Variants in GFOD1 observed in about 807,000 individuals in gnomAD.
The protein encoded by GFOD1 is Gfo/Idh/MocA-like oxidoreductase domain containing 1, also known as glucose-fructose oxidoreductase domain-containing protein 1.
In GFOD1, 9 loss-of-function variants were observed where a neutral mutation model predicts 25.4. The ratio of observed to expected loss-of-function variants is 0.35; its 90% CI spans 0.21 to 0.62. GFOD1 has a LOEUF of 0.62. GFOD1 is among the 20% of genes least tolerant of loss of function. GFOD1 has a pLI of 0.72. For missense variants in GFOD1, 403 were observed against 556.9 expected, an observed-to-expected ratio of 0.72 and a Z score of 2.78; for synonymous variants, 253 against 245.6, an observed-to-expected ratio of 1.03 and a Z score of -0.28.
Position 13,451,425 on chromosome 6 carries a change from A to G in GFOD1, c.253+35213T>C, listed in dbSNP as rs114781138. Among the ~76,000 whole-genome samples the G allele has an allele frequency of 5.2e-3, 789 of 152,300 alleles. 8 individuals are homozygous for G. Among genetic ancestry groups the G allele is most frequent in the African/African-American group, 0.018 (741 of 41,556 alleles). ...CTGGTGAGGTCAGGGAGCCATCGCC[A>G]GCAGTTCAGTCATGATGTACGAGAG... On this transcript the variant is annotated intron_variant, in intron 1 of 1. Transcript: ENST00000379287.
chr6:13,369,035 A>G (rs1230997160), intron 1 of GFOD1, among the ~76,000 whole-genome samples: 1 of 152,248 alleles, frequency 6.6e-6, no homozygotes, highest in Non-Finnish European at 1.5e-5. Context: ...GTAAAACTGC[A>G]ATTACTTTTG....
At chr6:13,471,148 C>T (rs1584671682) in intron 1 of GFOD1, among the ~76,000 whole-genome samples, 1 of 152,278 alleles carries the variant, frequency 6.6e-6, no homozygotes, top group African/African-American at 2.4e-5. Flanking sequence ...CAGAAAGCAC[C>T]TTACTCTGAA....
intron 1 of GFOD1, among the ~76,000 whole-genome samples, chr6:13,381,015 G>A (rs575176220): frequency 1.1e-4 from 16 of 152,246 alleles, no homozygotes; most frequent in African/African-American, 3.6e-4. Context: ...TTTCACCTAG[G>A]GACCCAATGA....
intron 1 of GFOD1, among the ~76,000 whole-genome samples, chr6:13,438,607 T>C (rs1562219306): frequency 6.6e-6 from 1 of 152,180 alleles, no homozygotes; most frequent in Non-Finnish European, 1.5e-5. Context: ...TGAGCACTTA[T>C]AATGGACCCA....
rs997700209 is a variant in GFOD1, at chr6:13,430,435, T to A, written c.253+56203A>T. 5.9e-5 allele frequency among the ~76,000 whole-genome samples: 9 copies of A among 151,892 alleles called. No homozygotes were observed. The highest frequency in any genetic ancestry group is 1.2e-4 in the Non-Finnish European group (8 of 67,974). Reference sequence around the variant, plus strand: ...CTGGGTGACAGAACGAGACTCCACCTCAAAATAAATAAATAAGTAAATAAA... The same window carrying A: ...CTGGGTGACAGAACGAGACTCCACCACAAAATAAATAAATAAGTAAATAAA... On this transcript the variant is annotated intron_variant, in intron 1 of 1. Coordinates refer to ENST00000379287, the MANE Select transcript of GFOD1 (RefSeq NM_018988.4). This position sits in a 1 kb window ranked among gnomAD's most constrained non-coding sequence, Gnocchi z 4.1.
At position 13,360,644 on chromosome 6, in the gene GFOD1, T is replaced by G; in HGVS notation, c.*4099A>C. ...ATTTTAAAAAAGGCTGAGTGATATT[T>G]CCATTTTGGAATGGGAAGAAACACT... On this transcript the variant is annotated 3_prime_UTR_variant, in exon 2 of 2. Coordinates refer to ENST00000379287, the MANE Select transcript of GFOD1 (RefSeq NM_018988.4). 1 of 445,816 alleles carries G rather than the reference T, an allele frequency of 2.2e-6. No homozygotes were observed. Among genetic ancestry groups the G allele is most frequent in the Non-Finnish European group, 4.6e-6 (1 of 217,924 alleles). The allele number at this position is 445,816 out of a possible 1,614,324, so 27.6% of individuals were successfully genotyped here.
At chr6:13,386,371 C>A (rs1201466328) in intron 1 of GFOD1, among the ~76,000 whole-genome samples, 1 of 152,122 alleles carries the variant, frequency 6.6e-6, no homozygotes, top group Non-Finnish European at 1.5e-5. Flanking sequence ...ATACACACCG[C>A]GTAGGTGAAA....
intron 1 of GFOD1, among the ~76,000 whole-genome samples, chr6:13,409,144 AGAAAGAGAG>A (rs1786008658): frequency 8.0e-5 from 3 of 37,312 alleles, no homozygotes; most frequent in Non-Finnish European, 8.3e-5. Flanking sequence ...AAAGAAAGAA[AGAAAGAGAG>A]GAAAGAAAGA....
intron 1 of GFOD1, among the ~76,000 whole-genome samples, chr6:13,476,907 A>C (rs1010358912): frequency 1.3e-5 from 2 of 152,116 alleles, no homozygotes; most frequent in African/African-American, 4.8e-5. Context: ...CGGGTATAGA[A>C]TTGGTCGGGG....
At chr6:13,394,540 T>A (rs1785689015) in intron 1 of GFOD1, among the ~76,000 whole-genome samples, 1 of 141,014 alleles carries the variant, frequency 7.1e-6, no homozygotes, top group Non-Finnish European at 1.5e-5. Flanking sequence ...AGTGAGGTGA[T>A]CATAGCTCAC....
chr6:13,444,522 T>C (rs1168729213), intron 1 of GFOD1, among the ~76,000 whole-genome samples: 1 of 152,070 alleles, frequency 6.6e-6, no homozygotes, highest in African/African-American at 2.4e-5. Flanking sequence ...AAAGAACCTT[T>C]CTCTAGAGTT....
chr6:13,460,736 A>G (rs575503277), intron 1 of GFOD1, among the ~76,000 whole-genome samples: 2 of 119,146 alleles, frequency 1.7e-5, no homozygotes, highest in South Asian at 6.5e-4. Flanking sequence ...ATGCATATTA[A>G]TACCTAGGTG....
chr6:13,425,938 A>G (rs932333563), intron 1 of GFOD1, among the ~76,000 whole-genome samples: 1 of 152,136 alleles, frequency 6.6e-6, no homozygotes, highest in African/African-American at 2.4e-5. Flanking sequence ...TTCACATTTT[A>G]AGAAAGTTTA....
At chr6:13,480,113 C>T (rs1341169484) in intron 1 of GFOD1, among the ~76,000 whole-genome samples, 1 of 152,148 alleles carries the variant, frequency 6.6e-6, no homozygotes, top group Non-Finnish European at 1.5e-5. Flanking sequence ...CTGCTGACAC[C>T]ATGAAGAAGG....
intron 1 of GFOD1, among the ~76,000 whole-genome samples, chr6:13,462,657 G>T (rs1758311718): frequency 6.6e-6 from 1 of 152,116 alleles, no homozygotes; most frequent in Admixed American, 6.5e-5. Flanking sequence ...CATTTCCTGG[G>T]CCCCTTAATG....
intron 1 of GFOD1, among the ~76,000 whole-genome samples, chr6:13,385,714 A>G (rs1202995925): frequency 1.3e-5 from 2 of 152,224 alleles, no homozygotes; most frequent in Non-Finnish European, 2.9e-5. Flanking sequence ...ATTTATTTAA[A>G]TAGAGTATAA....
At chr6:13,406,307 C>T (rs1461135174) in intron 1 of GFOD1, among the ~76,000 whole-genome samples, 2 of 152,276 alleles carry the variant, frequency 1.3e-5, no homozygotes, top group South Asian at 2.1e-4. Flanking sequence ...GAAAATGAAA[C>T]GCCGTTTGCT....
chr6:13,453,813 G>T (rs930494843), intron 1 of GFOD1, among the ~76,000 whole-genome samples: 3 of 152,210 alleles, frequency 2.0e-5, no homozygotes, highest in African/African-American at 7.2e-5. Flanking sequence ...CTAGTAAGTG[G>T]CAGCTGTCAA....
intron 1 of GFOD1, among the ~76,000 whole-genome samples, chr6:13,482,780 T>TAGATTATTATTATA (rs1408346097): frequency 6.6e-6 from 1 of 152,044 alleles, no homozygotes; most frequent in African/African-American, 2.4e-5. Context: ...TAAATTAAAT[T>TAGATTATTATTATA]AAATTCCCAT....
Sources: gnomAD v4.1 joint callset for allele counts (sites outside exome capture counted in the v4.1 genomes callset) on GRCh38, gnomAD v4.1.1 for gene constraint, Gnocchi (gnomAD v3.1) non-coding constraint, MANE v1.5 for transcripts, NCBI Gene and HGNC (gene_info 2026-07-23, HGNC 2026-07-21) for gene names.